The following TNRC6A variants were observed in gnomAD, a reference collection of about 807,000 sequenced individuals.
TNRC6A encodes the protein trinucleotide repeat containing adaptor 6A, also known as trinucleotide repeat-containing gene 6A protein.
Under a neutral mutation model 221.2 loss-of-function variants are expected in TNRC6A, and 44 were observed. That is an observed-to-expected ratio of 0.20 (90% CI 0.16 to 0.26). The LOEUF is 0.26. Among genes scored for constraint, TNRC6A ranks in the 10% least tolerant of loss-of-function variants. The pLI, the probability that TNRC6A is intolerant of heterozygous loss-of-function variation, is 1.00. For synonymous variants in TNRC6A, 847 were observed against 838.5 expected, an observed-to-expected ratio of 1.01 and a Z score of -0.18; for missense variants, 2,199 against 2,404.4, an observed-to-expected ratio of 0.91 and a Z score of 1.79.
intron 17 of TNRC6A, 132 bp downstream of exon 17, chr16:24,806,916 G>C: frequency 1.2e-6 from 1 of 830,872 alleles, no homozygotes; most frequent in East Asian, 2.7e-5. Flanking sequence ...CTCTCAGAGA[G>C]TTGCCATCCC....
chr16:24,729,711 G>GCGGCGGCGGCGA lies in TNRC6A; in HGVS notation c.-124_-123insGGCGACGGCGGC. 1 of 1,108,872 alleles carries GCGGCGGCGGCGA rather than the reference G, an allele frequency of 9.0e-7. No individual in the cohort carries two copies. The highest frequency in any genetic ancestry group is 1.2e-6 in the Non-Finnish European group (1 of 861,398). The allele number at this position is 1,108,872 out of a possible 1,614,324, so 68.7% of individuals were successfully genotyped here. A position where few individuals can be genotyped will look rare whatever the true frequency, so the allele number is the denominator to read the frequency against. On this transcript the variant is annotated 5_prime_UTR_variant, in exon 1 of 25. Coordinates refer to ENST00000395799, the MANE Select transcript of TNRC6A (RefSeq NM_014494.4). The stretch of plus-strand genomic sequence containing the variant: ...GGCGGCGGCGGCGGCGGCGGCGGCG[G>GCGGCGGCGGCGA]CGGCGGCAGCGGGTCGGTGTAGAAA...
rs183577841 is a variant in TNRC6A at position 24,616,795 on chromosome 16, A to G, written n.276+6311A>G. Among the ~76,000 whole-genome samples, 1,233 of 152,026 alleles carry G rather than the reference A, an allele frequency of 8.1e-3. 20 individuals are homozygous for G. Among genetic ancestry groups the G allele is most frequent in the African/African-American group, 0.029 (1,187 of 41,500 alleles). ...TAAAAATGCAAAAAATTAGCTGGACATGGTAGTGCATGCTACTCAGGAGCC... is the reference window on the plus strand; with the variant it reads ...TAAAAATGCAAAAAATTAGCTGGACGTGGTAGTGCATGCTACTCAGGAGCC... On this transcript the variant is annotated intron_variant and non_coding_transcript_variant, in intron 1 of 2. Transcript: ENST00000566108.
In TNRC6A at chr16:24,791,689, A is replaced by G. The variant is rs2058104304; in HGVS notation, c.3047A>G (p.Tyr1016Cys). 1 of 1,613,826 alleles carries G rather than the reference A, an allele frequency of 6.2e-7. No individual in the cohort carries two copies. The highest frequency in any genetic ancestry group is 8.5e-7 in the Non-Finnish European group (1 of 1,179,948). The change falls in exon 6 of 25, where the codon TAC (tyrosine) becomes TGC (cysteine). Residue 1016 changes from tyrosine to cysteine, a missense_variant. By Grantham distance (194) the Tyr-to-Cys change is radical (BLOSUM62 -2). Coordinates refer to ENST00000395799, the MANE Select transcript of TNRC6A (RefSeq NM_014494.4). ...SAWGDPSKYNYKNVNMWNKNV... is the reference protein window; with the variant it reads ...SAWGDPSKYNCKNVNMWNKNV... ...TGGGGAGATCCAAGCAAATACAACTACAAAAATGTGAACATGTGGAACAAA... is the reference window on the plus strand; with the variant it reads ...TGGGGAGATCCAAGCAAATACAACTGCAAAAATGTGAACATGTGGAACAAA...
intron 3 of TNRC6A, among the ~76,000 whole-genome samples, chr16:24,751,635 C>T (rs1036337101): frequency 1.3e-5 from 2 of 152,120 alleles, no homozygotes; most frequent in African/African-American, 2.4e-5. Context: ...CTCTAAAAAC[C>T]TAGTGAAATT....
chr16:24,765,914 C>T (rs1486647838), intron 4 of TNRC6A, among the ~76,000 whole-genome samples: 2 of 152,010 alleles, frequency 1.3e-5, no homozygotes, highest in Non-Finnish European at 2.9e-5. Context: ...TAAGGAGACC[C>T]GTTTTGGCTT....
chr16:24,789,168 AT>A, intron 5 of TNRC6A, 63 bp from the exon 6 acceptor site: 1 of 1,453,844 alleles, frequency 6.9e-7, no homozygotes, highest in Middle Eastern at 1.9e-4. Flanking sequence ...TTTTTCTTAG[AT>A]TTTAGTATCA....
At chr16:24,636,373 T>A (rs926357525) in intron 1 of TNRC6A, among the ~76,000 whole-genome samples, 1 of 26,334 alleles carries the variant, frequency 3.8e-5, no homozygotes, top group Non-Finnish European at 6.8e-5. Flanking sequence ...GACTTTGTGA[T>A]TTTTTTTTTT....
intron 2 of TNRC6A, among the ~76,000 whole-genome samples, chr16:24,684,986 C>T (rs2055598830): frequency 6.6e-6 from 1 of 152,172 alleles, no homozygotes; most frequent in African/African-American, 2.4e-5. Context: ...CGGAATCCAG[C>T]TTCTGACACT....
intron 2 of TNRC6A, among the ~76,000 whole-genome samples, chr16:24,676,821 C>A (rs1052162526): frequency 1.4e-4 from 21 of 152,170 alleles, no homozygotes; most frequent in Admixed American, 6.6e-4. Context: ...TCTGAAGACT[C>A]TATGACATCC....
chr16:24,729,682 TGTCGGCGGCGGCGGCGGCGGCGGCGGC>T lies in TNRC6A; in HGVS notation c.-158_-132del. On this transcript the variant is annotated 5_prime_UTR_variant, in exon 1 of 25. Transcript: ENST00000395799. ...GGTCTGGGGCCTGCGGCGGCGGCGG[TGTCGGCGGCGGCGGCGGCGGCGGCGGC>T]GGCGGCGGCAGCGGGTCGGTGTAGA... is the stretch of plus-strand genomic sequence containing the variant. 5.9e-6 allele frequency: 4 copies of T among 677,826 alleles called. No homozygotes were observed. The highest frequency in any genetic ancestry group is 8.0e-6 in the Non-Finnish European group (4 of 501,670). 42.0% of individuals were successfully genotyped at this position (677,826 alleles called of 1,614,324 possible).
rs1287689755 is a variant in TNRC6A at position 24,824,680 on chromosome 16, AAGG to A, written c.*876_*878del. On this transcript the variant is annotated 3_prime_UTR_variant, in exon 25 of 25. Transcript: ENST00000395799. Reference sequence around the variant, plus strand: ...AAAGATGCTTTCTATCTCTGGGAAAAAGGAGCAGCATTTGGCCATGTTCTTTTG... The same window carrying A: ...AAAGATGCTTTCTATCTCTGGGAAAAAGCAGCATTTGGCCATGTTCTTTTG... 1 of 152,460 alleles carries A rather than the reference AAGG, an allele frequency of 6.6e-6. No homozygotes were observed. The highest frequency in any genetic ancestry group is 1.5e-5 in the Non-Finnish European group (1 of 68,014). 9.4% of individuals were successfully genotyped at this position (152,460 alleles called of 1,614,324 possible).
chr16:24,693,879 C>T (rs752522534), intron 2 of TNRC6A, among the ~76,000 whole-genome samples: 10 of 139,794 alleles, frequency 7.2e-5, no homozygotes, highest in Non-Finnish European at 1.5e-4. Context: ...GCATGGGTGA[C>T]AGAGTGGGAC....
chr16:24,729,942 C>CAGCAGA, intron 1 of TNRC6A, 96 bp downstream of exon 1: 23 of 1,104,924 alleles, frequency 2.1e-5, no homozygotes, highest in Non-Finnish European at 2.1e-5. Context: ...GCGGCGGCGC[C>CAGCAGA]GGGCGTCCCC....
chr16:24,611,691 A>T (rs2033218), intron 1 of TNRC6A, among the ~76,000 whole-genome samples: 14,282 of 152,256 alleles, frequency 0.094, 849 homozygotes, highest in Non-Finnish European at 0.13. Context: ...GTGGAGATGG[A>T]CAGGGAGAGG....
At chr16:24,623,343 C>G (rs1052289378) in intron 1 of TNRC6A, among the ~76,000 whole-genome samples, 6 of 152,058 alleles carry the variant, frequency 3.9e-5, no homozygotes, top group East Asian at 1.9e-4. Flanking sequence ...GGACTACAGG[C>G]GCCCGCTGCC....
At chr16:24,628,252 C>T (rs922282804) in intron 1 of TNRC6A, among the ~76,000 whole-genome samples, 6 of 151,538 alleles carry the variant, frequency 4.0e-5, no homozygotes, top group African/African-American at 1.5e-4. Flanking sequence ...AACCCCGTCT[C>T]TACTAAAAAT....
Position 24,805,835 on chromosome 16 carries a change from C to T in TNRC6A, c.4251+102C>T, listed in dbSNP as rs576378093. On this transcript the variant is annotated intron_variant, in intron 15 of 24. Transcript: ENST00000395799. The stretch of plus-strand genomic sequence containing the variant: ...GACATAGTGCACTAAACAAAACAGG[C>T]GTAGTCATAGTCCTCATGGAGCTTA... 32 of 1,447,166 alleles carry T rather than the reference C, an allele frequency of 2.2e-5. 1 individual carries two copies. The Middle Eastern group carries it at 5.4e-4, about 24-fold the overall frequency. The allele number at this position is 1,447,166 out of a possible 1,614,324, so 89.6% of individuals were successfully genotyped here.
At chr16:24,780,822 T>A (rs559583608) in intron 5 of TNRC6A, among the ~76,000 whole-genome samples, 1 of 152,166 alleles carries the variant, frequency 6.6e-6, no homozygotes, top group Non-Finnish European at 1.5e-5. Context: ...TTGGGATGTT[T>A]TAACCAAAAG....
chr16:24,721,268 A>G (rs970455374), intron 2 of TNRC6A, among the ~76,000 whole-genome samples: 3 of 152,234 alleles, frequency 2.0e-5, no homozygotes, highest in African/African-American at 7.2e-5. Context: ...ATCCAAGAGA[A>G]ATAGAAACAC....
Sources: allele counts gnomAD v4.1 joint callset (sites outside exome capture counted in the v4.1 genomes callset), GRCh38; gene constraint gnomAD v4.1.1; transcripts MANE v1.5; gene names NCBI Gene and HGNC (gene_info 2026-07-23, HGNC 2026-07-21).